Variants in MAP2K4 observed in about 807,000 individuals in gnomAD.
MAP2K4 encodes the protein dual specificity mitogen-activated protein kinase kinase 4.
In MAP2K4, 4 loss-of-function variants were observed where a neutral mutation model predicts 48.5. The observed-to-expected ratio is 0.08, with a 90% CI of 0.04 to 0.19. MAP2K4 has a LOEUF of 0.19. Ranked by LOEUF, MAP2K4 falls within the 10% of genes least tolerant of loss-of-function variation. The pLI is 1.00. For synonymous variants in MAP2K4, 166 were observed against 173.1 expected, an observed-to-expected ratio of 0.96 and a Z score of 0.32; for missense variants, 258 against 493.3, an observed-to-expected ratio of 0.52 and a Z score of 4.52.
intron 3 of MAP2K4, among the ~76,000 whole-genome samples, chr17:12,084,315 C>T (rs992547844): frequency 8.5e-5 from 13 of 152,184 alleles, no homozygotes; most frequent in African/African-American, 3.1e-4. Context: ...CCCAAGCTAT[C>T]GGTGAGTTTC....
At chr17:12,067,149 T>G (rs1419099203) in intron 2 of MAP2K4, among the ~76,000 whole-genome samples, 1 of 152,236 alleles carries the variant, frequency 6.6e-6, no homozygotes, top group African/African-American at 2.4e-5. Context: ...TTATATAGTA[T>G]TCATTACATT....
At chr17:12,136,545 C>T (rs1567677524) in intron 9 of MAP2K4, among the ~76,000 whole-genome samples, 1 of 152,080 alleles carries the variant, frequency 6.6e-6, no homozygotes, top group Admixed American at 6.5e-5. Flanking sequence ...TGAAATGTGG[C>T]TAATGTAACT....
At chr17:12,030,892 TG>T (rs1278654003) in intron 1 of MAP2K4, among the ~76,000 whole-genome samples, 1 of 152,154 alleles carries the variant, frequency 6.6e-6, no homozygotes, top group East Asian at 1.9e-4. Flanking sequence ...CCTTTTCCAG[TG>T]GGATGCGGGG....
At chr17:12,078,788 A>G (rs1382942696) in intron 2 of MAP2K4, among the ~76,000 whole-genome samples, 1 of 152,130 alleles carries the variant, frequency 6.6e-6, no homozygotes, top group South Asian at 2.1e-4. Context: ...CCAGAGTTTA[A>G]TGGAAAGGTT....
intron 4 of MAP2K4, among the ~76,000 whole-genome samples, chr17:12,105,513 A>G (rs1345331004): frequency 6.6e-6 from 1 of 151,998 alleles, no homozygotes; most frequent in Non-Finnish European, 1.5e-5. Context: ...ATGTTACCTT[A>G]GTAGTTGAGT....
At chr17:12,126,847 C>G (rs1429944261) in intron 8 of MAP2K4, among the ~76,000 whole-genome samples, 1 of 152,184 alleles carries the variant, frequency 6.6e-6, no homozygotes, top group Non-Finnish European at 1.5e-5. Flanking sequence ...GGGATAGCTT[C>G]TTTAGCTGCT....
chr17:12,053,747 C>T (rs1567635231), intron 1 of MAP2K4, among the ~76,000 whole-genome samples: 1 of 151,900 alleles, frequency 6.6e-6, no homozygotes, highest in Non-Finnish European at 1.5e-5. Context: ...GATCTAGGGG[C>T]CGTGGCAAGG....
chr17:12,055,707 T>G (rs1438575554), intron 2 of MAP2K4, among the ~76,000 whole-genome samples: 1 of 152,064 alleles, frequency 6.6e-6, no homozygotes, highest in Admixed American at 6.6e-5. Context: ...GAGGCACTTT[T>G]ATTGCTATTT....
At chr17:12,126,129 C>T (rs986604319) in intron 8 of MAP2K4, among the ~76,000 whole-genome samples, 1 of 152,114 alleles carries the variant, frequency 6.6e-6, no homozygotes, top group African/African-American at 2.4e-5. Flanking sequence ...CACCAGGCCG[C>T]TCCTTCAACA....
At chr17:12,069,578 A>G (rs1007865613) in intron 2 of MAP2K4, 4 of 312,988 alleles carry the variant, frequency 1.3e-5, no homozygotes, top group Non-Finnish European at 1.9e-5. Context: ...TGAGTATCAG[A>G]ATTTGAAATT....
intron 8 of MAP2K4, among the ~76,000 whole-genome samples, chr17:12,128,072 AG>A (rs1972906988): frequency 6.6e-6 from 1 of 152,086 alleles, no homozygotes; most frequent in Non-Finnish European, 1.5e-5. Flanking sequence ...CAAAATTTGT[AG>A]GTTTTCTTTT....
At chr17:12,120,610 C>T (rs1972659029) in intron 7 of MAP2K4, among the ~76,000 whole-genome samples, 1 of 137,346 alleles carries the variant, frequency 7.3e-6, no homozygotes. Context: ...GAGCAGTATG[C>T]ATTCATAACA....
chr17:12,107,322 G>T (rs1972145183), intron 4 of MAP2K4, among the ~76,000 whole-genome samples: 1 of 151,654 alleles, frequency 6.6e-6, no homozygotes, highest in Non-Finnish European at 1.5e-5. Context: ...TCACTGAGAA[G>T]GTGGCATTTG....
At chr17:12,095,895 T>TTGTGTG (rs71947375) in intron 4 of MAP2K4, among the ~76,000 whole-genome samples, 2,429 of 147,384 alleles carry the variant, frequency 0.016, 16 homozygotes, top group South Asian at 0.051. Flanking sequence ...ACACGTGTGT[T>TTGTGTG]TGTGTGTGTG....
Position 12,099,733 on chromosome 17 carries a change from T to C in MAP2K4, c.513+4039T>C, listed in dbSNP as rs1971876472. ...AAAGAGCTTGATAATAATTGAATAA[T>C]GGAAGTAACTTTTAGCCTATATTTT... On this transcript the variant is annotated intron_variant, in intron 4 of 10. Transcript: ENST00000353533. 2.6e-5 allele frequency among the ~76,000 whole-genome samples: 4 copies of C among 152,218 alleles called. No individual in the cohort carries two copies. The South Asian group carries it at 8.3e-4, about 31-fold the overall frequency.
chr17:12,078,852 G>T (rs1157603697), intron 2 of MAP2K4, among the ~76,000 whole-genome samples: 1 of 152,150 alleles, frequency 6.6e-6, no homozygotes, highest in Non-Finnish European at 1.5e-5. Context: ...GTATAGTCCT[G>T]TGGAAGCCAT....
chr17:12,116,099 T>G (rs1275322127), intron 7 of MAP2K4, among the ~76,000 whole-genome samples: 1 of 152,218 alleles, frequency 6.6e-6, no homozygotes, highest in East Asian at 1.9e-4. Flanking sequence ...CATTGCCACT[T>G]GTAACTCTGA....
At chr17:12,094,695 T>C (rs1374980867) in intron 3 of MAP2K4, among the ~76,000 whole-genome samples, 2 of 151,742 alleles carry the variant, frequency 1.3e-5, no homozygotes, top group Admixed American at 6.6e-5. Flanking sequence ...CCAACACCTC[T>C]GTGTTCTATA....
chr17:12,124,201 T>C (rs1597492269), intron 7 of MAP2K4: 3 of 152,342 alleles, frequency 2.0e-5, no homozygotes, highest in Admixed American at 1.3e-4. Flanking sequence ...TCAACTATTA[T>C]GCTTCTCTGG....
Sources: gnomAD v4.1 joint callset for allele counts (sites outside exome capture counted in the v4.1 genomes callset) on GRCh38, gnomAD v4.1.1 for gene constraint, MANE v1.5 for transcripts, NCBI Gene and HGNC (gene_info 2026-07-23, HGNC 2026-07-21) for gene names.